The following DISC1 variants were observed in gnomAD, a reference collection of about 807,000 sequenced individuals.
The protein encoded by DISC1 is disrupted in schizophrenia 1 protein.
A neutral mutation model predicts 84.5 loss-of-function variants in DISC1; 57 were observed. The observed-to-expected ratio is 0.67, with a 90% CI of 0.55 to 0.84. The LOEUF is 0.84. Ranked by LOEUF, DISC1 falls within the 40% of genes least tolerant of loss-of-function variation. The pLI, the probability that DISC1 is intolerant of heterozygous loss-of-function variation, is 0.00. For missense variants in DISC1, 1,000 were observed against 1,057.8 expected (o/e 0.95, Z 0.76); for synonymous variants, 411 against 415.2 (o/e 0.99, Z 0.12).
intron 3 of DISC1, among the ~76,000 whole-genome samples, chr1:231,749,593 G>GT (rs570286367): frequency 6.6e-6 from 1 of 152,018 alleles, no homozygotes; most frequent in South Asian, 2.1e-4. Flanking sequence ...CAAAATTATA[G>GT]TTTTTTTCCC....
chr1:231,836,403 A>G (rs2082634177), intron 9 of DISC1, among the ~76,000 whole-genome samples: 1 of 152,180 alleles, frequency 6.6e-6, no homozygotes, highest in Admixed American at 6.5e-5. Flanking sequence ...GCCAGATAGG[A>G]TGACCTTTGA....
intron 9 of DISC1, among the ~76,000 whole-genome samples, chr1:231,830,883 C>T (rs6698905): frequency 0.24 from 37,017 of 151,894 alleles, 4,333 homozygotes; most frequent in Non-Finnish European, 0.26. Context: ...TCTACCTTTC[C>T]TGAAGACGGA....
Position 231,686,274 on chromosome 1 carries a change from C to G in DISC1, c.68-7552C>G, listed in dbSNP as rs966043504. Reference sequence around the variant, plus strand: ...GCTCCAACCCCATATTTCCCTTCCTCTGCCCTAGCAGAGATTCTCCATGAG... The same window carrying G: ...GCTCCAACCCCATATTTCCCTTCCTGTGCCCTAGCAGAGATTCTCCATGAG... On this transcript the variant is annotated intron_variant, in intron 1 of 12. Transcript: ENST00000439617. Among the ~76,000 whole-genome samples, 40 of 152,378 alleles carry G rather than the reference C, an allele frequency of 2.6e-4. 1 individual carries two copies. Among genetic ancestry groups the G allele is most frequent in the African/African-American group, 9.1e-4 (38 of 41,588 alleles).
chr1:231,660,430 A>G (rs1392768772), intron 1 of DISC1, among the ~76,000 whole-genome samples: 1 of 151,894 alleles, frequency 6.6e-6, no homozygotes, highest in Non-Finnish European at 1.5e-5. Flanking sequence ...CCAGCTTGCC[A>G]TTCTGTGTCT....
At chr1:231,767,483 T>C (rs1558508833) in intron 5 of DISC1, among the ~76,000 whole-genome samples, 1 of 152,160 alleles carries the variant, frequency 6.6e-6, no homozygotes, top group East Asian at 1.9e-4. Flanking sequence ...TTTTAGTAGA[T>C]ATCAGGTCTT....
At chr1:231,640,745 G>C (rs112744343) in intron 1 of DISC1, among the ~76,000 whole-genome samples, 4,743 of 151,788 alleles carry the variant, frequency 0.031, 246 homozygotes, top group African/African-American at 0.11. Flanking sequence ...TATGTTACCC[G>C]GGCTGGTCTC....
In DISC1 at chr1:231,630,612, G is replaced by C. The variant is rs947239596; in HGVS notation, c.67+3678G>C. Among the ~76,000 whole-genome samples, 10 of 152,292 alleles carry C rather than the reference G, an allele frequency of 6.6e-5. No individual in the cohort carries two copies. Among genetic ancestry groups the C allele is most frequent in the African/African-American group, 1.9e-4 (8 of 41,558 alleles). ...GCACAGCTGGAACCACCGGTGAAGAGCCATTTTTCAGTCAGCACCGTTTAG... is the reference window on the plus strand; with the variant it reads ...GCACAGCTGGAACCACCGGTGAAGACCCATTTTTCAGTCAGCACCGTTTAG... On this transcript the variant is annotated intron_variant, in intron 1 of 12. Coordinates refer to ENST00000439617, the MANE Select transcript of DISC1 (RefSeq NM_018662.3). This position sits in a 1 kb window ranked among gnomAD's most constrained non-coding sequence, Gnocchi z 4.4.
chr1:232,002,248 G>C (rs1401115144), intron 10 of DISC1, among the ~76,000 whole-genome samples: 1 of 152,134 alleles, frequency 6.6e-6, no homozygotes, highest in Non-Finnish European at 1.5e-5. Context: ...AGGATGCAGA[G>C]AAACAAGATC....
At chr1:232,022,500 G>A (rs1231237605) in intron 11 of DISC1, among the ~76,000 whole-genome samples, 1 of 152,072 alleles carries the variant, frequency 6.6e-6, no homozygotes, top group African/African-American at 2.4e-5. Flanking sequence ...CAGAGACAGG[G>A]TTTTACCATG....
intron 1 of DISC1, among the ~76,000 whole-genome samples, chr1:231,661,089 G>A (rs958391173): frequency 6.6e-6 from 1 of 152,038 alleles, no homozygotes; most frequent in Non-Finnish European, 1.5e-5. Flanking sequence ...CTTCTGGCTT[G>A]TAGGGTTTCC....
chr1:231,824,194 C>G (rs1351136746), intron 9 of DISC1, among the ~76,000 whole-genome samples: 1 of 152,090 alleles, frequency 6.6e-6, no homozygotes, highest in African/African-American at 2.4e-5. Flanking sequence ...CTCTTGATAA[C>G]AGAGGGCCAA....
intron 9 of DISC1, among the ~76,000 whole-genome samples, chr1:231,889,769 C>A (rs2087063859): frequency 6.6e-6 from 1 of 151,874 alleles, no homozygotes; most frequent in African/African-American, 2.4e-5. Flanking sequence ...TCATCTACTG[C>A]CCTTATTCTC....
intron 9 of DISC1, among the ~76,000 whole-genome samples, chr1:231,916,040 T>A (rs1280292297): frequency 6.6e-6 from 1 of 152,046 alleles, no homozygotes. Flanking sequence ...TTACGAAGAG[T>A]AGCTCTTTTC....
intron 6 of DISC1, among the ~76,000 whole-genome samples, chr1:231,793,516 T>C (rs1271804962): frequency 6.6e-6 from 1 of 152,062 alleles, no homozygotes; most frequent in Non-Finnish European, 1.5e-5. Context: ...ATCCACGTAA[T>C]CCAGTCCTGT....
At chr1:232,027,329 T>C (rs970949885) in intron 12 of DISC1, among the ~76,000 whole-genome samples, 1 of 152,236 alleles carries the variant, frequency 6.6e-6, no homozygotes, top group Non-Finnish European at 1.5e-5. Context: ...TTTCAACTTC[T>C]AACCATATAC....
intron 4 of DISC1, among the ~76,000 whole-genome samples, chr1:231,760,468 C>T (rs1166132648): frequency 6.6e-6 from 1 of 152,128 alleles, no homozygotes; most frequent in Non-Finnish European, 1.5e-5. Flanking sequence ...AAGAGTTATA[C>T]CCAACTCTTG....
chr1:231,628,887 G>T (rs1326849851), intron 1 of DISC1, among the ~76,000 whole-genome samples: 3 of 152,026 alleles, frequency 2.0e-5, no homozygotes, highest in Non-Finnish European at 2.9e-5. Context: ...GATTACAGGC[G>T]CATGCCACCA....
At chr1:231,774,251 C>G (rs1260643369) in intron 6 of DISC1, among the ~76,000 whole-genome samples, 3 of 150,194 alleles carry the variant, frequency 2.0e-5, no homozygotes, top group Admixed American at 1.3e-4. Context: ...AAGACCCTGA[C>G]TCAAAGAAAA....
chr1:231,881,658 C>T (rs1280730591), intron 9 of DISC1, among the ~76,000 whole-genome samples: 3 of 152,156 alleles, frequency 2.0e-5, no homozygotes, highest in African/African-American at 4.8e-5. Context: ...GGTCCCGCTT[C>T]AAGACGAGCA....
Sources: allele counts gnomAD v4.1 joint callset (sites outside exome capture counted in the v4.1 genomes callset), GRCh38; gene constraint gnomAD v4.1.1; non-coding constraint Gnocchi (gnomAD v3.1); transcripts MANE v1.5; gene names NCBI Gene and HGNC (gene_info 2026-07-23, HGNC 2026-07-21).